The following PPDPF variants were observed in gnomAD, a reference collection of about 807,000 sequenced individuals.
The protein encoded by PPDPF is pancreatic progenitor cell differentiation and proliferation factor.
PPDPF carries 11 observed loss-of-function variants against 6.3 expected under a neutral mutation model. The ratio of observed to expected loss-of-function variants is 1.76; its 90% CI spans 1.11 to 2.91. PPDPF has a LOEUF of 2.91. PPDPF is among the 30% of genes most tolerant of loss of function. PPDPF has a pLI of 0.00. For synonymous variants in PPDPF, 86 were observed against 64.5 expected (o/e 1.33, Z -1.60); for missense variants, 202 against 159.4 (o/e 1.27, Z -1.44).
chr20:63,521,263 C>T (rs770490110), intron 1 of PPDPF, 21 bp from the exon 2 acceptor site: 9 of 1,559,248 alleles, frequency 5.8e-6, no homozygotes, highest in Admixed American at 3.6e-5. Context: ...ACCCGAGGGG[C>T]TCCTCCACCC....
At chr20:63,521,217 C>A (rs2082541120) in intron 1 of PPDPF, 67 bp from the exon 2 acceptor site, 3 of 1,396,890 alleles carry the variant, frequency 2.1e-6, no homozygotes, top group Admixed American at 2.5e-5. Context: ...GCGGCTCCAC[C>A]CGCTGGGGAG....
Position 63,521,756 on chromosome 20 carries a change from C to T in PPDPF, c.222C>T (p.Ser74=), listed in dbSNP as rs1298415802. Residue 74 remains serine (S), a synonymous_variant, in exon 4 of 4, where the codon TCC becomes TCT. Coordinates refer to ENST00000370179, the MANE Select transcript of PPDPF (RefSeq NM_024299.4). Reference sequence around the variant, plus strand: ...CGTTCATGGCCACGGTGTTGGAGTCCGCAGAGCACTCGGAACCTCCCCAGG... The same window carrying T: ...CGTTCATGGCCACGGTGTTGGAGTCTGCAGAGCACTCGGAACCTCCCCAGG... The part of the protein sequence containing the change: ...TLPFMATVLE[S]AEHSEPPQAS... The T allele has an allele frequency of 2.5e-6, 4 of 1,612,930 alleles. No individual in the cohort carries two copies. Among genetic ancestry groups the T allele is most frequent in the Admixed American group, 3.3e-5 (2 of 59,998 alleles).
chr20:63,520,960 G>A, intron 1 of PPDPF, 66 bp downstream of exon 1: 1 of 1,012,344 alleles, frequency 9.9e-7, no homozygotes, highest in African/African-American at 1.7e-5. Flanking sequence ...GGCGGGGCTG[G>A]GCCGGGGGCT....
In PPDPF at chr20:63,521,931, G is replaced by GT; in HGVS notation, c.*52_*53insT. 1 of 1,339,722 alleles carries GT rather than the reference G, an allele frequency of 7.5e-7. No homozygotes were observed. Among genetic ancestry groups the GT allele is most frequent in the Non-Finnish European group, 1.0e-6 (1 of 979,862 alleles). 83.0% of individuals were successfully genotyped at this position (1,339,722 alleles called of 1,614,324 possible). On this transcript the variant is annotated 3_prime_UTR_variant, in exon 4 of 4. Coordinates refer to ENST00000370179, the MANE Select transcript of PPDPF (RefSeq NM_024299.4). ...CCTGCGGAGGCGCTAGTCCACCAGA[G>GT]CCCCTCCCCGCCCCTCTCCCCACTC...
Position 63,521,704 on chromosome 20 carries a change from G to C in PPDPF, c.170G>C (p.Ser57Thr). The C allele has an allele frequency of 6.2e-7, 1 of 1,613,454 alleles. No homozygotes were observed. The highest frequency in any genetic ancestry group is 8.5e-7 in the Non-Finnish European group (1 of 1,180,000). Residue 57 changes from serine (S) to threonine (T), a missense_variant, in exon 4 of 4, where the codon AGC (serine) becomes ACC (threonine). By Grantham distance (58) the Ser-to-Thr change is moderately conservative (BLOSUM62 1). Transcript: ENST00000370179. ...PKADPGHWWA[S>T]FFFGKSTLPF... is the part of the protein sequence containing the mutation. ...GCTGACCCGGGTCATTGGTGGGCCA[G>C]CTTCTTTTTCGGGAAGTCCACCCTC...
Position 63,521,799 on chromosome 20 carries a change from G to T in PPDPF, c.265G>T (p.Ala89Ser). The T allele has an allele frequency of 1.9e-6, 3 of 1,612,304 alleles. No homozygotes were observed. Among genetic ancestry groups the T allele is most frequent in the Non-Finnish European group, 2.5e-6 (3 of 1,179,856 alleles). Residue 89 changes from alanine (A) to serine (S), a missense_variant, in exon 4 of 4, where the codon GCC becomes TCC. Ala to Ser is a moderately conservative substitution (Grantham distance 99, BLOSUM62 1). Transcript: ENST00000370179. Reference sequence around the variant, plus strand: ...TCCCCAGGCCTCCAGCAGCATGACCGCCTGTGGCCTGGCTCGGGACGCCCC... The same window carrying T: ...TCCCCAGGCCTCCAGCAGCATGACCTCCTGTGGCCTGGCTCGGGACGCCCC... ...EPPQASSSMT[A>S]CGLARDAPRK...
Position 63,521,307 on chromosome 20 carries a change from G to A in PPDPF, c.-2G>A, listed in dbSNP as rs756037403. 8.1e-6 allele frequency: 13 copies of A among 1,609,950 alleles called. 1 individual carries two copies. In the South Asian group the frequency reaches 1.4e-4, roughly 18 times the overall value. On this transcript the variant is annotated 5_prime_UTR_variant, in exon 2 of 4. Transcript: ENST00000370179. The stretch of plus-strand genomic sequence containing the variant: ...AGATCCCACCAGCCAGCAAGCTAAA[G>A]CATGGCGGCCATCCCCTCCAGCGGC...
Position 63,521,994 on chromosome 20 carries a change from C to A in PPDPF, c.*115C>A. Reference sequence around the variant, plus strand: ...CCCCCTCCCCACCTCCCACCCCCCACCCTGTAAACTAGGCGGCTGCAGCAA... The same window carrying A: ...CCCCCTCCCCACCTCCCACCCCCCAACCTGTAAACTAGGCGGCTGCAGCAA... On this transcript the variant is annotated 3_prime_UTR_variant, in exon 4 of 4. Transcript: ENST00000370179. 1 of 784,650 alleles carries A rather than the reference C, an allele frequency of 1.3e-6. No homozygotes were observed. 48.6% of individuals were successfully genotyped at this position (784,650 alleles called of 1,614,324 possible).
intron 1 of PPDPF, 55 bp downstream of exon 1, chr20:63,520,949 G>C: frequency 9.9e-7 from 1 of 1,011,466 alleles, no homozygotes; most frequent in Non-Finnish European, 1.2e-6. Context: ...GGGGGGCGAG[G>C]GGCGGGGCTG....
At chr20:63,521,640 C>A (rs1445420090) in intron 3 of PPDPF, 28 bp from the exon 4 acceptor site, 2 of 1,612,594 alleles carry the variant, frequency 1.2e-6, no homozygotes, top group Non-Finnish European at 1.7e-6. Context: ...GAGCTGGCAG[C>A]ATCAAGACCC....
At chr20:63,521,241 G>T in intron 1 of PPDPF, 43 bp from the exon 2 acceptor site, 1 of 1,496,402 alleles carries the variant, frequency 6.7e-7, no homozygotes, top group Non-Finnish European at 9.0e-7. Flanking sequence ...CCTTCATGAC[G>T]GAAGGCCGCT....
In PPDPF at chr20:63,521,967, GC is replaced by G. The variant is rs1201967411; in HGVS notation, c.*94del. 1.1e-5 allele frequency: 9 copies of G among 829,562 alleles called. No individual in the cohort carries two copies. Among genetic ancestry groups the G allele is most frequent in the Non-Finnish European group, 1.5e-5 (9 of 602,750 alleles). The allele number at this position is 829,562 out of a possible 1,614,324, so 51.4% of individuals were successfully genotyped here. Reference sequence around the variant, plus strand: ...CCCCTCTCCCCACTCCGCATCCCTCGCCCCCCTCCCCACCTCCCACCCCCCA... The same window carrying G: ...CCCCTCTCCCCACTCCGCATCCCTCGCCCCCTCCCCACCTCCCACCCCCCA... On this transcript the variant is annotated 3_prime_UTR_variant, in exon 4 of 4. Transcript: ENST00000370179.
Position 63,520,852 on chromosome 20 carries a change from A to G in PPDPF, c.-68A>G. The G allele has an allele frequency of 3.0e-6, 3 of 987,564 alleles. No individual in the cohort carries two copies. The highest frequency in any genetic ancestry group is 3.6e-6 in the Non-Finnish European group (3 of 832,046). The allele number at this position is 987,564 out of a possible 1,614,324, so 61.2% of individuals were successfully genotyped here. On this transcript the variant is annotated 5_prime_UTR_variant, in exon 1 of 4. Transcript: ENST00000370179. Reference sequence around the variant, plus strand: ...GTGGCCTAGCGCCCCCGTCCCCGCCACCCGTGATCGTGCGCCGAGGCCCGC... The same window carrying G: ...GTGGCCTAGCGCCCCCGTCCCCGCCGCCCGTGATCGTGCGCCGAGGCCCGC...
Position 63,521,284 on chromosome 20 carries a change from A to G in PPDPF, c.-25A>G. The G allele has an allele frequency of 6.2e-7, 1 of 1,603,366 alleles. No homozygotes were observed. The highest frequency in any genetic ancestry group is 8.5e-7 in the Non-Finnish European group (1 of 1,175,738). On this transcript the variant is annotated splice_region_variant and 5_prime_UTR_variant, in exon 2 of 4. Coordinates refer to ENST00000370179, the MANE Select transcript of PPDPF (RefSeq NM_024299.4). ...GGGGCTCCTCCACCCCCATGCGCAGATCCCACCAGCCAGCAAGCTAAAGCA... is the reference window on the plus strand; with the variant it reads ...GGGGCTCCTCCACCCCCATGCGCAGGTCCCACCAGCCAGCAAGCTAAAGCA...
At chr20:63,521,479 C>T in intron 2 of PPDPF, 33 bp from the exon 3 acceptor site, 10 of 1,557,836 alleles carry the variant, frequency 6.4e-6, no homozygotes, top group South Asian at 1.2e-5. Context: ...GGGCTCCGCG[C>T]CCCGCGTTGC....
chr20:63,521,221 T>A, intron 1 of PPDPF, 63 bp from the exon 2 acceptor site: 3 of 1,413,732 alleles, frequency 2.1e-6, no homozygotes, highest in Admixed American at 2.4e-5. Context: ...CTCCACCCGC[T>A]GGGGAGCGCC....
Position 63,521,652 on chromosome 20 carries a change from A to G in PPDPF, c.134-16A>G, listed in dbSNP as rs970344688. The G allele has an allele frequency of 6.2e-7, 1 of 1,611,424 alleles. No homozygotes were observed. Among genetic ancestry groups the G allele is most frequent in the Non-Finnish European group, 8.5e-7 (1 of 1,179,508 alleles). ...CAGGAGCTGGCAGCATCAAGACCCCACTTCGCTTCTCTCAGGTCTCCCCAA... is the reference window on the plus strand; with the variant it reads ...CAGGAGCTGGCAGCATCAAGACCCCGCTTCGCTTCTCTCAGGTCTCCCCAA... On this transcript the variant is annotated splice_polypyrimidine_tract_variant and intron_variant, in intron 3 of 3. Coordinates refer to ENST00000370179, the MANE Select transcript of PPDPF (RefSeq NM_024299.4).
At position 63,520,856 on chromosome 20, in the gene PPDPF, G is replaced by A. The variant is rs1327393794; in HGVS notation, c.-64G>A. The A allele has an allele frequency of 1.0e-6, 1 of 988,696 alleles. No individual in the cohort carries two copies. Among genetic ancestry groups the A allele is most frequent in the African/African-American group, 1.7e-5 (1 of 57,286 alleles). The allele number at this position is 988,696 out of a possible 1,614,324, so 61.2% of individuals were successfully genotyped here. ...CCTAGCGCCCCCGTCCCCGCCACCC[G>A]TGATCGTGCGCCGAGGCCCGCGAGG... On this transcript the variant is annotated 5_prime_UTR_variant, in exon 1 of 4. It adds an upstream start codon to the 5' untranslated region. Coordinates refer to ENST00000370179, the MANE Select transcript of PPDPF (RefSeq NM_024299.4).
rs981905962 is a variant in PPDPF at position 63,522,022 on chromosome 20, A to C, written c.*143A>C. 2.5e-5 allele frequency: 17 copies of C among 687,954 alleles called. No individual in the cohort carries two copies. The highest frequency in any genetic ancestry group is 3.4e-5 in the South Asian group (2 of 57,990). The allele number at this position is 687,954 out of a possible 1,614,324, so 42.6% of individuals were successfully genotyped here. On this transcript the variant is annotated 3_prime_UTR_variant, in exon 4 of 4. Coordinates refer to ENST00000370179, the MANE Select transcript of PPDPF (RefSeq NM_024299.4). ...TGTAAACTAGGCGGCTGCAGCAAGC[A>C]GACCTTCGCATCAACACAGCAGACA...
Sources: allele counts gnomAD v4.1 joint callset, GRCh38; gene constraint gnomAD v4.1.1; transcripts MANE v1.5; gene names NCBI Gene and HGNC (gene_info 2026-07-23, HGNC 2026-07-21).